Variants in SORCS3 observed in about 807,000 individuals in gnomAD.
SORCS3 encodes VPS10 domain-containing receptor SorCS3.
SORCS3 carries 57 observed loss-of-function variants against 146.3 expected under a neutral mutation model. The observed-to-expected ratio is 0.39, with a 90% CI of 0.31 to 0.49. The LOEUF (loss-of-function observed/expected upper bound fraction) is 0.49. SORCS3 is among the 20% of genes least tolerant of loss of function. SORCS3 has a pLI of 0.92. For synonymous variants in SORCS3, 653 were observed against 618.5 expected (o/e 1.06, Z -0.83); for missense variants, 1,341 against 1,575.5 (o/e 0.85, Z 2.52).
At chr10:104,709,327 T>C (rs925300923) in intron 1 of SORCS3, among the ~76,000 whole-genome samples, 6 of 152,170 alleles carry the variant, frequency 3.9e-5, no homozygotes, top group Non-Finnish European at 7.3e-5. Context: ...GAATGTCATA[T>C]TGGGCAATGA....
At chr10:104,784,156 G>A (rs1344990737) in intron 1 of SORCS3, among the ~76,000 whole-genome samples, 1 of 152,156 alleles carries the variant, frequency 6.6e-6, no homozygotes, top group Non-Finnish European at 1.5e-5. Context: ...CCCCAGAACT[G>A]GTGTTCCCCA....
intron 7 of SORCS3, among the ~76,000 whole-genome samples, chr10:105,120,129 CT>C (rs1166218855): frequency 1.3e-5 from 2 of 152,102 alleles, no homozygotes; most frequent in Non-Finnish European, 2.9e-5. Flanking sequence ...TCATACTGTT[CT>C]TGTGAGAGTG....
At position 105,160,320 on chromosome 10, in the gene SORCS3, A is replaced by T. The variant is rs541931085; in HGVS notation, c.1732+1326A>T. On this transcript the variant is annotated intron_variant, in intron 11 of 26. Transcript: ENST00000369701. ...TAGAATTGCAGGATATAATGAAACA[A>T]TGAATTTAAAATGCTTAGAACAATG... 5.3e-5 allele frequency among the ~76,000 whole-genome samples: 8 copies of T among 152,334 alleles called. No homozygotes were observed. In the South Asian group the frequency reaches 1.2e-3, roughly 24 times the overall value.
chr10:105,154,085 A>T (rs998163359), intron 9 of SORCS3, among the ~76,000 whole-genome samples: 2 of 151,136 alleles, frequency 1.3e-5, no homozygotes, highest in African/African-American at 4.9e-5. Flanking sequence ...AAAAAAAAAA[A>T]AAAGAAACTT....
At chr10:105,008,721 A>G (rs1477422071) in intron 4 of SORCS3, among the ~76,000 whole-genome samples, 3 of 152,162 alleles carry the variant, frequency 2.0e-5, no homozygotes, top group South Asian at 4.2e-4. Flanking sequence ...ATCTCAAGTC[A>G]CTGCAACCTC....
chr10:104,802,555 C>T (rs2017635859), intron 1 of SORCS3, among the ~76,000 whole-genome samples: 1 of 152,164 alleles, frequency 6.6e-6, no homozygotes, highest in African/African-American at 2.4e-5. Context: ...AATCTGGCTT[C>T]CTGATTGGAT....
At chr10:104,909,379 C>T (rs372182558) in intron 2 of SORCS3, among the ~76,000 whole-genome samples, 9 of 152,126 alleles carry the variant, frequency 5.9e-5, no homozygotes, top group East Asian at 3.9e-4. Flanking sequence ...AACATGGCAA[C>T]GCAGAAGTTG....
At chr10:105,088,655 A>G (rs577538800) in intron 5 of SORCS3, among the ~76,000 whole-genome samples, 9 of 152,192 alleles carry the variant, frequency 5.9e-5, no homozygotes, top group Non-Finnish European at 1.3e-4. Context: ...TCAGCCCCGC[A>G]ACATAGATGT....
chr10:104,723,178 G>T (rs1460754117), intron 1 of SORCS3, among the ~76,000 whole-genome samples: 1 of 152,162 alleles, frequency 6.6e-6, no homozygotes, highest in Non-Finnish European at 1.5e-5. Flanking sequence ...GGTATGTTGT[G>T]TCTTTGTTCT....
chr10:104,965,984 A>T (rs942623532), intron 3 of SORCS3, among the ~76,000 whole-genome samples: 10 of 152,126 alleles, frequency 6.6e-5, no homozygotes, highest in South Asian at 2.1e-4. Flanking sequence ...GCATACATGC[A>T]TATTGGTGTT....
intron 4 of SORCS3, among the ~76,000 whole-genome samples, chr10:105,005,933 C>T (rs556163472): frequency 5.9e-5 from 9 of 152,230 alleles, no homozygotes; most frequent in Non-Finnish European, 1.3e-4. Context: ...TTCCTCCTCT[C>T]GCAGTTTAAT....
chr10:105,164,165 A>G, intron 11 of SORCS3, 138 bp from the exon 12 acceptor site: 1 of 657,002 alleles, frequency 1.5e-6, no homozygotes, highest in Non-Finnish European at 2.7e-6. Context: ...TTTTGATATG[A>G]CACCAGAAAA....
At position 104,740,071 on chromosome 10, in the gene SORCS3, C is replaced by T. The variant is rs78587494; in HGVS notation, c.627+98117C>T. Among the ~76,000 whole-genome samples, 789 of 152,214 alleles carry T rather than the reference C, an allele frequency of 5.2e-3. 10 individuals carry two copies. Among genetic ancestry groups the T allele is most frequent in the African/African-American group, 0.018 (731 of 41,534 alleles). ...AATTTTCTTTATTTTGTTCATAGAA[C>T]GTATTTCTTGGCATGATTAAAACAT... On this transcript the variant is annotated intron_variant, in intron 1 of 26. Coordinates refer to ENST00000369701, the MANE Select transcript of SORCS3 (RefSeq NM_014978.3).
chr10:105,129,797 G>A (rs1407423538), intron 7 of SORCS3, among the ~76,000 whole-genome samples: 3 of 152,022 alleles, frequency 2.0e-5, no homozygotes, highest in Non-Finnish European at 4.4e-5. Flanking sequence ...ACAAAGATAA[G>A]TCTCGAAGCC....
chr10:105,247,281 C>A lies in SORCS3; in HGVS notation c.3055C>A (p.Pro1019Thr), dbSNP rs767607446. The A allele has an allele frequency of 6.2e-7, 1 of 1,612,946 alleles. No homozygotes were observed. Among genetic ancestry groups the A allele is most frequent in the African/African-American group, 1.3e-5 (1 of 74,888 alleles). ...PNLDYHNPDIPEWRKDIGNVI... is the reference protein window; with the variant it reads ...PNLDYHNPDITEWRKDIGNVI... The stretch of plus-strand genomic sequence containing the variant: ...TCTGGATTACCACAATCCTGACATT[C>A]CTGAGTGGAGAAAAGATATTGGCAA... Residue 1019 changes from proline to threonine, a missense_variant, in exon 22 of 27, where the codon CCT (proline) becomes ACT (threonine). Physicochemically the swap from Pro to Thr is conservative, Grantham distance 38. Transcript: ENST00000369701.
intron 14 of SORCS3, among the ~76,000 whole-genome samples, chr10:105,179,248 G>A (rs556871221): frequency 2.6e-5 from 4 of 152,076 alleles, no homozygotes; most frequent in Non-Finnish European, 5.9e-5. Context: ...ACATGACCTG[G>A]TATTCCCTAG....
At chr10:104,668,475 C>A (rs1261778437) in intron 1 of SORCS3, among the ~76,000 whole-genome samples, 3 of 152,124 alleles carry the variant, frequency 2.0e-5, no homozygotes. Context: ...TGGTCTTGGG[C>A]AAGTTACCTG....
intron 1 of SORCS3, among the ~76,000 whole-genome samples, chr10:104,753,173 T>C (rs900571065): frequency 1.3e-5 from 2 of 152,226 alleles, no homozygotes; most frequent in African/African-American, 4.8e-5. Context: ...CAACCATGGG[T>C]AATCTATCCA....
At chr10:104,766,307 C>G (rs1398127077) in intron 1 of SORCS3, among the ~76,000 whole-genome samples, 1 of 152,182 alleles carries the variant, frequency 6.6e-6, no homozygotes, top group Non-Finnish European at 1.5e-5. Flanking sequence ...GAGACAGTCA[C>G]CACATCTGTA....
Sources: gnomAD v4.1 joint callset for allele counts (sites outside exome capture counted in the v4.1 genomes callset) on GRCh38, gnomAD v4.1.1 for gene constraint, MANE v1.5 for transcripts, NCBI Gene and HGNC (gene_info 2026-07-23, HGNC 2026-07-21) for gene names.